TTLL7: variants seen among roughly 807,000 people sequenced by gnomAD.
TTLL7 encodes the protein tubulin tyrosine ligase like 7.
In TTLL7, 53 loss-of-function variants were observed where a neutral mutation model predicts 120.2. The observed-to-expected ratio is 0.44, with a 90% CI of 0.35 to 0.55. The LOEUF is 0.55. TTLL7 is among the 20% of genes least tolerant of loss of function. TTLL7 has a pLI of 0.00. For synonymous variants in TTLL7, 353 were observed against 351.7 expected (o/e 1.00, Z -0.04); for missense variants, 803 against 1,054.7 (o/e 0.76, Z 3.31).
At chr1:83,993,730 T>C (rs1653210842) in intron 1 of TTLL7, among the ~76,000 whole-genome samples, 1 of 152,130 alleles carries the variant, frequency 6.6e-6, no homozygotes, top group South Asian at 2.1e-4. Flanking sequence ...ATAAGCCAAC[T>C]AGTTGCTTGC....
At chr1:83,961,956 T>C (rs1408533231) in intron 1 of TTLL7, among the ~76,000 whole-genome samples, 1 of 152,146 alleles carries the variant, frequency 6.6e-6, no homozygotes, top group African/African-American at 2.4e-5. Context: ...TGCTTGACTA[T>C]GCAAAGACTT....
intron 6 of TTLL7, among the ~76,000 whole-genome samples, chr1:83,945,578 A>G (rs1648409455): frequency 6.6e-6 from 1 of 152,206 alleles, no homozygotes; most frequent in Admixed American, 6.5e-5. Context: ...GGAAACAGAT[A>G]CAATTCAATA....
chr1:83,943,592 G>A (rs1342944954), intron 6 of TTLL7, among the ~76,000 whole-genome samples: 1 of 152,184 alleles, frequency 6.6e-6, no homozygotes, highest in Non-Finnish European at 1.5e-5. Context: ...TAACAGAACA[G>A]GAACTTCAGT....
chr1:83,908,542 G>A (rs1657406675), intron 15 of TTLL7, among the ~76,000 whole-genome samples: 1 of 151,924 alleles, frequency 6.6e-6, no homozygotes, highest in East Asian at 1.9e-4. Context: ...AAATATCTAA[G>A]AGAAACTATA....
chr1:83,948,486 T>A (rs1261162600), intron 5 of TTLL7, 142 bp downstream of exon 5: 1 of 558,876 alleles, frequency 1.8e-6, no homozygotes, highest in Non-Finnish European at 3.1e-6. Context: ...AGAGACCTTC[T>A]AAGACCTCTC....
intron 8 of TTLL7, among the ~76,000 whole-genome samples, chr1:83,934,540 G>C (rs1212762512): frequency 6.6e-6 from 1 of 152,156 alleles, no homozygotes; most frequent in Non-Finnish European, 1.5e-5. Context: ...TTAAAAGACT[G>C]GCTCTCAATA....
chr1:83,991,758 T>C (rs1242611923), intron 1 of TTLL7, among the ~76,000 whole-genome samples: 1 of 152,174 alleles, frequency 6.6e-6, no homozygotes, highest in Non-Finnish European at 1.5e-5. Flanking sequence ...TACTAAGATG[T>C]TCACACTCTT....
chr1:83,883,901 G>A (rs1462898604), intron 19 of TTLL7, among the ~76,000 whole-genome samples: 1 of 151,962 alleles, frequency 6.6e-6, no homozygotes, highest in African/African-American at 2.4e-5. Flanking sequence ...TGTGCTAGAA[G>A]TAATGCTATC....
At chr1:83,983,028 C>T (rs547575847) in intron 1 of TTLL7, among the ~76,000 whole-genome samples, 13 of 151,764 alleles carry the variant, frequency 8.6e-5, no homozygotes, top group African/African-American at 2.4e-4. Context: ...TTGACAAAGT[C>T]GACAAAAATA....
chr1:83,879,563 G>A (rs758232789), intron 20 of TTLL7, among the ~76,000 whole-genome samples: 10 of 151,948 alleles, frequency 6.6e-5, no homozygotes, highest in Admixed American at 2.0e-4. Context: ...GGATGGATAA[G>A]TTGAATTCCA....
intron 1 of TTLL7, among the ~76,000 whole-genome samples, chr1:83,958,784 T>G (rs917750047): frequency 2.6e-5 from 4 of 152,228 alleles, no homozygotes; most frequent in African/African-American, 9.6e-5. Flanking sequence ...TTAATGTCAG[T>G]TCTACATTAG....
At chr1:83,891,656 C>T (rs1439146387) in intron 18 of TTLL7, among the ~76,000 whole-genome samples, 1 of 152,040 alleles carries the variant, frequency 6.6e-6, no homozygotes, top group Non-Finnish European at 1.5e-5. Context: ...TAGGAACAAT[C>T]GAACTCTTCA....
intron 1 of TTLL7, chr1:83,980,709 T>G (rs921067018): frequency 2.0e-5 from 3 of 152,134 alleles, no homozygotes; most frequent in African/African-American, 7.2e-5. Flanking sequence ...ATAACAGAAT[T>G]GGGAAAAATA....
intron 9 of TTLL7, 131 bp from the exon 10 acceptor site, chr1:83,929,361 CCAGTTGTTATTGCCA>C (rs1245189249): frequency 1.7e-6 from 1 of 597,496 alleles, no homozygotes; most frequent in African/African-American, 1.9e-5. Context: ...GGCAGATGGC[CCAGTTGTTATTGCCA>C]CATCTCCATT....
intron 1 of TTLL7, among the ~76,000 whole-genome samples, chr1:83,993,990 A>C (rs1481066760): frequency 6.6e-6 from 1 of 152,208 alleles, no homozygotes; most frequent in East Asian, 1.9e-4. Context: ...TTCAACTTTG[A>C]CAGATAATGC....
intron 1 of TTLL7, among the ~76,000 whole-genome samples, chr1:83,988,168 A>G (rs1424154252): frequency 2.0e-5 from 3 of 152,196 alleles, no homozygotes; most frequent in South Asian, 4.1e-4. Context: ...AATTTGCTTA[A>G]GATAATGGCC....
chr1:83,954,187 G>A (rs970778539), intron 1 of TTLL7, among the ~76,000 whole-genome samples: 14 of 152,008 alleles, frequency 9.2e-5, no homozygotes, highest in African/African-American at 2.9e-4. Context: ...TTAAAAACAA[G>A]CTTCACCTAA....
chr1:83,942,748 T>A, intron 6 of TTLL7, 69 bp from the exon 7 acceptor site: 1 of 1,148,810 alleles, frequency 8.7e-7, no homozygotes, highest in Non-Finnish European at 1.2e-6. Context: ...GTTATAGATA[T>A]ACTCAAATGG....
intron 1 of TTLL7, among the ~76,000 whole-genome samples, chr1:83,966,198 C>T (rs1650446849): frequency 6.6e-6 from 1 of 151,956 alleles, no homozygotes; most frequent in South Asian, 2.1e-4. Context: ...GACTGAAGAC[C>T]CACATGAAAG....
Sources: gnomAD v4.1 joint callset for allele counts (sites outside exome capture counted in the v4.1 genomes callset) on GRCh38, gnomAD v4.1.1 for gene constraint, MANE v1.5 for transcripts, NCBI Gene and HGNC (gene_info 2026-07-23, HGNC 2026-07-21) for gene names.